RNF216: variants seen among roughly 807,000 people sequenced by gnomAD.
RNF216 encodes E3 ubiquitin-protein ligase RNF216.
A neutral mutation model predicts 110.8 loss-of-function variants in RNF216; 72 were observed. That is an observed-to-expected ratio of 0.65 (90% CI 0.54 to 0.79). The LOEUF (loss-of-function observed/expected upper bound fraction) is 0.79. Ranked by LOEUF, RNF216 falls within the 30% of genes least tolerant of loss-of-function variation. The pLI is 0.00. For missense variants in RNF216, 1,342 were observed against 1,141.2 expected, an observed-to-expected ratio of 1.18 and a Z score of -2.54; for synonymous variants, 495 against 407.5, an observed-to-expected ratio of 1.21 and a Z score of -2.59.
At position 5,729,497 on chromosome 7, in the gene RNF216, G is replaced by C; in HGVS notation, c.1324C>G (p.Leu442Val). 1 of 1,614,138 alleles carries C rather than the reference G, an allele frequency of 6.2e-7. No homozygotes were observed. The highest frequency in any genetic ancestry group is 8.5e-7 in the Non-Finnish European group (1 of 1,180,028). ...ADLLMADFKV[L>V]SSQDIKWALH... The stretch of plus-strand genomic sequence containing the variant: ...GCCCACTTGATGTCCTGACTACTGA[G>C]CACTTTGAAGTCGGCCATGAGGAGG... The change falls in exon 7 of 17, where the codon CTC becomes GTC. Residue 442 changes from leucine to valine, a missense_variant. Physicochemically the swap from Leu to Val is conservative, Grantham distance 32 (BLOSUM62 1). Transcript: ENST00000389902.
intron 13 of RNF216, among the ~76,000 whole-genome samples, chr7:5,699,206 T>A (rs140387974): frequency 7.0e-4 from 106 of 152,314 alleles, no homozygotes; most frequent in African/African-American, 2.4e-3. Context: ...TCAGTATAAT[T>A]TTGAAGCAAA....
At chr7:5,645,771 AG>A (rs1211389145) in intron 14 of RNF216, among the ~76,000 whole-genome samples, 1 of 151,938 alleles carries the variant, frequency 6.6e-6, no homozygotes, top group African/African-American at 2.4e-5. Flanking sequence ...TTGTGTTTTT[AG>A]TAGAGAAAGG....
chr7:5,663,942 T>A (rs1381162235), intron 13 of RNF216, among the ~76,000 whole-genome samples: 1 of 151,812 alleles, frequency 6.6e-6, no homozygotes, highest in African/African-American at 2.4e-5. Flanking sequence ...AAAAAAAAAG[T>A]TCACTTGAGT....
At chr7:5,772,464 T>C (rs575638822) in intron 1 of RNF216, among the ~76,000 whole-genome samples, 77 of 152,164 alleles carry the variant, frequency 5.1e-4, no homozygotes, top group African/African-American at 1.8e-3. Context: ...TGGAGTGCAG[T>C]GGTGCGATCT....
chr7:5,673,859 A>ATTT lies in RNF216; in HGVS notation c.2062-21352_2062-21350dup, dbSNP rs756283994. ...AGACCTCCATCTCTCTCTTTCTCTC[A>ATTT]TTTTTTTTTTTTTTTTTTTGAGACA... On this transcript the variant is annotated intron_variant, in intron 13 of 16. Transcript: ENST00000389902. Among the ~76,000 whole-genome samples the ATTT allele has an allele frequency of 2.0e-3, 242 of 121,576 alleles. 3 individuals are homozygous for ATTT. The highest frequency in any genetic ancestry group is 6.6e-3 in the African/African-American group (206 of 31,100). The allele number at this position is 121,576 out of a possible 152,430, so 79.8% of individuals were successfully genotyped here. A position where few individuals can be genotyped will look rare whatever the true frequency, so the allele number is the denominator to read the frequency against.
At chr7:5,648,520 T>G (rs1241917742) in intron 14 of RNF216, among the ~76,000 whole-genome samples, 2 of 151,092 alleles carry the variant, frequency 1.3e-5, no homozygotes, top group Non-Finnish European at 3.0e-5. Flanking sequence ...GGTCAGGAGA[T>G]CGAGACCATC....
chr7:5,674,560 C>T (rs374536048), intron 13 of RNF216, among the ~76,000 whole-genome samples: 2 of 151,590 alleles, frequency 1.3e-5, no homozygotes, highest in Non-Finnish European at 2.9e-5. Flanking sequence ...CCCAGGAGGT[C>T]GAGGCTGCAG....
chr7:5,663,090 G>A (rs979608962), intron 13 of RNF216, among the ~76,000 whole-genome samples: 7 of 152,156 alleles, frequency 4.6e-5, no homozygotes, highest in Admixed American at 3.3e-4. Flanking sequence ...CAAATGACCC[G>A]GGAAGAGCTG....
chr7:5,772,021 C>G lies in RNF216; in HGVS notation c.-70+9520G>C, dbSNP rs369275264. 2.6e-5 allele frequency among the ~76,000 whole-genome samples: 4 copies of G among 152,184 alleles called. No individual in the cohort carries two copies. In the East Asian group the frequency reaches 7.7e-4, roughly 29 times the overall value. On this transcript the variant is annotated intron_variant, in intron 1 of 16. Transcript: ENST00000389902. ...GGCCGAGGCGGGTGGATCACCTGAG[C>G]TCAGGAGTTCGAGACCAGCCTGACC...
chr7:5,660,947 T>G (rs1009884478), intron 13 of RNF216, among the ~76,000 whole-genome samples: 20 of 133,810 alleles, frequency 1.5e-4, no homozygotes, highest in Non-Finnish European at 2.9e-4. Context: ...CCTTAGGTTT[T>G]TTTTTTTTTT....
chr7:5,711,902 C>G (rs1288055049), intron 12 of RNF216, 63 bp from the exon 13 acceptor site: 2 of 1,425,976 alleles, frequency 1.4e-6, no homozygotes, highest in South Asian at 2.4e-5. Context: ...GGTTCCAGCT[C>G]CATGTGGCTG....
chr7:5,681,700 T>C (rs1003543129), intron 13 of RNF216, among the ~76,000 whole-genome samples: 19 of 152,338 alleles, frequency 1.2e-4, no homozygotes, highest in African/African-American at 4.6e-4. Flanking sequence ...CAAGCCTCAC[T>C]GGTTGCAACT....
chr7:5,751,112 G>T (rs1278220298), intron 3 of RNF216, among the ~76,000 whole-genome samples: 1 of 152,150 alleles, frequency 6.6e-6, no homozygotes, highest in Non-Finnish European at 1.5e-5. Context: ...GGTGTGCTGT[G>T]CACCCTCAGA....
chr7:5,724,499 G>A (rs1375912259), intron 8 of RNF216, among the ~76,000 whole-genome samples: 1 of 152,182 alleles, frequency 6.6e-6, no homozygotes, highest in African/African-American at 2.4e-5. Flanking sequence ...AAAACCACCT[G>A]CACACTGTCC....
At position 5,744,059 on chromosome 7, in the gene RNF216, C is replaced by A. The variant is rs183704533; in HGVS notation, c.202-2244G>T. ...AAATCAAAACAAGAGAAGTAACAGACAACAGAAACAAATATACAAGGGTTT... is the reference window on the plus strand; with the variant it reads ...AAATCAAAACAAGAGAAGTAACAGAAAACAGAAACAAATATACAAGGGTTT... On this transcript the variant is annotated intron_variant, in intron 3 of 16. Transcript: ENST00000389902. Among the ~76,000 whole-genome samples, 62 of 152,230 alleles carry A rather than the reference C, an allele frequency of 4.1e-4. No homozygotes were observed. In the East Asian group the frequency reaches 0.011, roughly 27 times the overall value.
chr7:5,721,360 T>C (rs1793414967), intron 8 of RNF216, among the ~76,000 whole-genome samples, 188 bp from the exon 9 acceptor site: 1 of 152,200 alleles, frequency 6.6e-6, no homozygotes, highest in East Asian at 1.9e-4. Context: ...CCATCCATTT[T>C]TTGACCTTTC....
intron 8 of RNF216, among the ~76,000 whole-genome samples, chr7:5,722,664 A>G (rs921652045): frequency 6.6e-6 from 1 of 151,998 alleles, no homozygotes; most frequent in Non-Finnish European, 1.5e-5. Flanking sequence ...TGCCAGGATT[A>G]CAGGCATGAG....
intron 13 of RNF216, among the ~76,000 whole-genome samples, chr7:5,689,930 C>CAA (rs200428847): frequency 1.7e-3 from 210 of 123,836 alleles, no homozygotes; most frequent in African/African-American, 6.3e-3. Flanking sequence ...GACTCTGTCT[C>CAA]AAACAAAAAA....
At chr7:5,643,287 G>C (rs1302561002) in intron 14 of RNF216, among the ~76,000 whole-genome samples, 1 of 151,922 alleles carries the variant, frequency 6.6e-6, no homozygotes. Flanking sequence ...ATGGGATGTG[G>C]TGACTACCTA....
Sources: allele counts gnomAD v4.1 joint callset (sites outside exome capture counted in the v4.1 genomes callset), GRCh38; gene constraint gnomAD v4.1.1; transcripts MANE v1.5; gene names NCBI Gene and HGNC (gene_info 2026-07-23, HGNC 2026-07-21).